Variants in METTL9 observed in about 807,000 individuals in gnomAD.
METTL9 encodes methyltransferase 9, His-X-His N1(pi)-histidine, also known as protein-L-histidine N-pros-methyltransferase.
A neutral mutation model predicts 36.0 loss-of-function variants in METTL9; 10 were observed. The observed-to-expected ratio is 0.28, with a 90% confidence interval of 0.17 to 0.47. The LOEUF is 0.47. Among genes scored for constraint, METTL9 ranks in the 20% least tolerant of loss-of-function variants. The probability of loss-of-function intolerance (pLI) is 0.99; values close to 1 mark genes in which losing one functional copy is unlikely to be tolerated. For missense variants in METTL9, 246 were observed against 383.5 expected (o/e 0.64, Z 3.00); for synonymous variants, 175 against 149.7 (o/e 1.17, Z -1.23).
intron 1 of METTL9, among the ~76,000 whole-genome samples, chr16:21,610,968 C>T (rs1363066407): frequency 6.6e-6 from 1 of 152,046 alleles, no homozygotes; most frequent in Non-Finnish European, 1.5e-5. Flanking sequence ...CGGTTTATGA[C>T]CTGCACTGGA....
chr16:21,647,538 C>T (rs769106108), intron 4 of METTL9: 10 of 1,557,588 alleles, frequency 6.4e-6, no homozygotes, highest in African/African-American at 2.8e-5. Context: ...TGCCACCTCA[C>T]TTTGTGCTTT....
At chr16:21,601,729 C>G (rs1363718328) in intron 1 of METTL9, among the ~76,000 whole-genome samples, 11 of 145,750 alleles carry the variant, frequency 7.5e-5, no homozygotes, top group African/African-American at 1.8e-4. Context: ...TATTTATATT[C>G]TGTGTGTGTG....
intron 4 of METTL9, among the ~76,000 whole-genome samples, chr16:21,633,334 G>A (rs1026417570): frequency 1.1e-4 from 16 of 152,176 alleles, no homozygotes; most frequent in Admixed American, 7.9e-4. Flanking sequence ...CTGCTGGCAC[G>A]AGGCTTCTGA....
chr16:21,619,868 TAGAA>T (rs1389865210), intron 3 of METTL9, among the ~76,000 whole-genome samples: 1 of 152,176 alleles, frequency 6.6e-6, no homozygotes, highest in Non-Finnish European at 1.5e-5. Context: ...TGGTTAGCCT[TAGAA>T]AGAAAGGAGA....
chr16:21,633,306 C>A (rs1296005409), intron 4 of METTL9, among the ~76,000 whole-genome samples: 1 of 152,160 alleles, frequency 6.6e-6, no homozygotes, highest in Non-Finnish European at 1.5e-5. Context: ...CTAGAACGTT[C>A]AAGAGATCTA....
At chr16:21,629,396 C>T (rs1168518167) in intron 4 of METTL9, among the ~76,000 whole-genome samples, 1 of 152,136 alleles carries the variant, frequency 6.6e-6, no homozygotes, top group Non-Finnish European at 1.5e-5. Context: ...AAGGATACAA[C>T]AAGAGGTCAG....
intron 4 of METTL9, among the ~76,000 whole-genome samples, chr16:21,650,652 C>G (rs566568916): frequency 3.2e-4 from 49 of 152,098 alleles, no homozygotes; most frequent in Admixed American, 8.5e-4. Flanking sequence ...CACCTTCTTC[C>G]CAATTAGGCT....
intron 4 of METTL9, chr16:21,644,457 GT>G (rs1292000472): frequency 7.6e-6 from 9 of 1,185,550 alleles, no homozygotes; most frequent in Non-Finnish European, 1.0e-5. Flanking sequence ...TCAAATACAT[GT>G]GTAAAGTATC....
At chr16:21,598,296 CCGAGAT>C (rs2152891377), upstream of METTL9, among the ~76,000 whole-genome samples, 1 of 150,640 alleles carries the variant, frequency 6.6e-6, no homozygotes, top group Admixed American at 6.6e-5. Context: ...TTGAAGTGAG[CCGAGAT>C]CGAGCCACTG....
At position 21,641,563 on chromosome 16, in the gene METTL9, T is replaced by G. The variant is rs1216052064; in HGVS notation, c.752-13664T>G. On this transcript the variant is annotated intron_variant, in intron 4 of 4. Transcript: ENST00000358154. The stretch of plus-strand genomic sequence containing the variant: ...GGCCTTTCATAGTTGGAAAGTACTC[T>G]TCTGTTTTCATAAGTGTTGTTATCT... The G allele has an allele frequency of 1.4e-5, 23 of 1,594,104 alleles. No homozygotes were observed. The Admixed American group carries it at 3.9e-4, about 27-fold the overall frequency.
chr16:21,643,497 C>T (rs560543533), intron 4 of METTL9: 17 of 1,183,756 alleles, frequency 1.4e-5, no homozygotes, highest in South Asian at 2.7e-5. Context: ...GTTTTGAAAT[C>T]GTTACAACCA....
chr16:21,619,158 A>G (rs149405995), intron 3 of METTL9, among the ~76,000 whole-genome samples: 1 of 152,212 alleles, frequency 6.6e-6, no homozygotes, highest in Non-Finnish European at 1.5e-5. Context: ...TTGAGCCCCT[A>G]CTTTTACTTC....
At chr16:21,652,615 G>T in intron 4 of METTL9, 1 of 1,599,868 alleles carries the variant, frequency 6.3e-7, no homozygotes, top group Non-Finnish European at 8.5e-7. Flanking sequence ...GTATGCCGGG[G>T]CGGGTTGGGG....
At chr16:21,608,187 G>A (rs755703988) in intron 1 of METTL9, among the ~76,000 whole-genome samples, 1 of 151,994 alleles carries the variant, frequency 6.6e-6, no homozygotes, top group African/African-American at 2.4e-5. Context: ...AAGTACACAG[G>A]AGCATACAGA....
At chr16:21,645,070 C>T (rs1381121339) in intron 4 of METTL9, among the ~76,000 whole-genome samples, 1 of 152,172 alleles carries the variant, frequency 6.6e-6, no homozygotes, top group African/African-American at 2.4e-5. Context: ...AGTAACATGC[C>T]ATGTCTTCAA....
Position 21,655,572 on chromosome 16 carries a change from A to G in METTL9, c.*140A>G. On this transcript the variant is annotated 3_prime_UTR_variant, in exon 5 of 5. Transcript: ENST00000358154. ...TCATGTAGGAATTTAAAAAGCCAAA[A>G]TACTAATTATTTCTTTGTAGTGTGT... 1 of 699,852 alleles carries G rather than the reference A, an allele frequency of 1.4e-6. No homozygotes were observed. Among genetic ancestry groups the G allele is most frequent in the Non-Finnish European group, 2.4e-6 (1 of 422,614 alleles). 43.4% of individuals were successfully genotyped at this position (699,852 alleles called of 1,614,324 possible).
rs1448081919 is a variant in METTL9 at position 21,646,828 on chromosome 16, G to A, written c.752-8399G>A. Reference sequence around the variant, plus strand: ...ATGCCACCATGCGCGGCTAATTTTTGTATTTTGAGTAGAGATGGGGTTTCA... The same window carrying A: ...ATGCCACCATGCGCGGCTAATTTTTATATTTTGAGTAGAGATGGGGTTTCA... On this transcript the variant is annotated intron_variant, in intron 4 of 4. Coordinates refer to ENST00000358154, the MANE Select transcript of METTL9 (RefSeq NM_016025.5). 4.1e-5 allele frequency: 15 copies of A among 369,386 alleles called. No homozygotes were observed. The Admixed American group carries it at 5.7e-4, about 14-fold the overall frequency. The allele number at this position is 369,386 out of a possible 1,614,324, so 22.9% of individuals were successfully genotyped here. A position where few individuals can be genotyped will look rare whatever the true frequency, so the allele number is the denominator to read the frequency against.
chr16:21,628,436 T>G (rs1256622699), intron 4 of METTL9, among the ~76,000 whole-genome samples: 2 of 152,206 alleles, frequency 1.3e-5, no homozygotes, highest in Admixed American at 1.3e-4. Flanking sequence ...AGCAATTTGC[T>G]TAGTAATGTT....
intron 3 of METTL9, among the ~76,000 whole-genome samples, chr16:21,621,871 A>G (rs918047691): frequency 2.6e-5 from 4 of 151,482 alleles, no homozygotes; most frequent in African/African-American, 4.9e-5. Context: ...ATGGCAAGGC[A>G]TCTTTTTTTT....
Sources: allele counts gnomAD v4.1 joint callset (sites outside exome capture counted in the v4.1 genomes callset), GRCh38; gene constraint gnomAD v4.1.1; transcripts MANE v1.5; gene names NCBI Gene and HGNC (gene_info 2026-07-23, HGNC 2026-07-21).